ZC3H12B: variants seen among roughly 807,000 people sequenced by gnomAD.
ZC3H12B encodes zinc finger CCCH-type containing 12B, also known as probable ribonuclease ZC3H12B.
ZC3H12B carries 7 observed loss-of-function variants against 43.9 expected under a neutral mutation model. The ratio of observed to expected loss-of-function variants is 0.16; its 90% CI spans 0.09 to 0.30. ZC3H12B has a LOEUF of 0.30. ZC3H12B is among the 10% of genes least tolerant of loss of function. The pLI, the probability that ZC3H12B is intolerant of heterozygous loss-of-function variation, is 1.00. For missense variants in ZC3H12B, 475 were observed against 670.2 expected, an observed-to-expected ratio of 0.71 and a Z score of 3.22; for synonymous variants, 222 against 241.7, an observed-to-expected ratio of 0.92 and a Z score of 0.76.
the ZC3H12B span, among the ~76,000 whole-genome samples, chrX:65,318,077 G>T: frequency 9.2e-6 from 1 of 108,530 alleles, no homozygotes; most frequent in Non-Finnish European, 1.9e-5. Context: ...TTCTACTTTT[G>T]TTTCTTTAAG....
intron 3 of ZC3H12B, among the ~76,000 whole-genome samples, chrX:65,473,470 A>T (rs757639253): frequency 8.9e-6 from 1 of 112,559 alleles, no homozygotes; most frequent in Admixed American, 9.4e-5. Flanking sequence ...GATAGAGATT[A>T]CGTTTACTCT....
chrX:65,482,283 A>G (rs2068073908), intron 3 of ZC3H12B, among the ~76,000 whole-genome samples: 1 of 111,123 alleles, frequency 9.0e-6, no homozygotes, highest in South Asian at 3.9e-4. Flanking sequence ...AGGTAGCACA[A>G]AAAGAAAAAG....
At chrX:65,217,893 A>G in the ZC3H12B span, among the ~76,000 whole-genome samples, 1 of 111,897 alleles carries the variant, frequency 8.9e-6, no homozygotes, top group Admixed American at 9.5e-5. Flanking sequence ...ATTCAAATAA[A>G]TAATAACAGA....
the ZC3H12B span, among the ~76,000 whole-genome samples, chrX:65,094,456 TCA>T: frequency 2.7e-4 from 30 of 111,589 alleles, no homozygotes; most frequent in Non-Finnish European, 3.8e-5. Flanking sequence ...CAAATGGCTC[TCA>T]GAGTGTGGTC....
chrX:65,442,494 G>A (rs2067314918), intron 3 of ZC3H12B, among the ~76,000 whole-genome samples: 1 of 111,029 alleles, frequency 9.0e-6, no homozygotes, highest in Non-Finnish European at 1.9e-5. Flanking sequence ...TGCATGACCA[G>A]TTGTGCATCT....
At chrX:65,245,646 T>C in the ZC3H12B span, among the ~76,000 whole-genome samples, 4 of 111,450 alleles carry the variant, frequency 3.6e-5, no homozygotes, top group African/African-American at 1.3e-4. Flanking sequence ...CAACATCCAT[T>C]CATGTTAAAA....
chrX:65,264,410 AT>A, the ZC3H12B span, among the ~76,000 whole-genome samples: 2 of 112,160 alleles, frequency 1.8e-5, no homozygotes, highest in Non-Finnish European at 3.8e-5. Context: ...CTTACTGTGA[AT>A]TTGTCATTGC....
At chrX:65,465,072 C>T (rs1472977060) in intron 3 of ZC3H12B, among the ~76,000 whole-genome samples, 1 of 111,142 alleles carries the variant, frequency 9.0e-6, no homozygotes, top group East Asian at 2.8e-4. Flanking sequence ...TATGAGCATT[C>T]TGCAGCTGTC....
chrX:65,190,426 A>G, the ZC3H12B span, among the ~76,000 whole-genome samples: 1 of 111,124 alleles, frequency 9.0e-6, no homozygotes, highest in Non-Finnish European at 1.9e-5. Flanking sequence ...CTTCTTACCC[A>G]TGAGCATGGA....
the ZC3H12B span, among the ~76,000 whole-genome samples, chrX:65,346,620 G>A: frequency 2.7e-5 from 3 of 112,002 alleles, no homozygotes; most frequent in Admixed American, 9.4e-5. Flanking sequence ...AAATTGACAG[G>A]TGGGTCCTAA....
At chrX:65,139,984 T>G in the ZC3H12B span, among the ~76,000 whole-genome samples, 2 of 111,423 alleles carry the variant, frequency 1.8e-5, no homozygotes, top group Non-Finnish European at 3.8e-5. Context: ...AAAAGTTTTT[T>G]TTTTGTTGGA....
At chrX:65,169,037 G>A in the ZC3H12B span, among the ~76,000 whole-genome samples, 1 of 111,234 alleles carries the variant, frequency 9.0e-6, no homozygotes, top group African/African-American at 3.3e-5. Flanking sequence ...GTCTCCTTCA[G>A]TTCTGCTCTG....
intron 3 of ZC3H12B, among the ~76,000 whole-genome samples, chrX:65,464,143 G>A (rs1282920817): frequency 8.9e-6 from 1 of 112,278 alleles, no homozygotes; most frequent in African/African-American, 3.2e-5. Context: ...CTCCCAATGG[G>A]AGATGTGTTA....
intron 3 of ZC3H12B, among the ~76,000 whole-genome samples, chrX:65,462,230 G>A (rs1023869326): frequency 1.8e-5 from 2 of 110,891 alleles, no homozygotes; most frequent in African/African-American, 6.6e-5. Flanking sequence ...AAACTTCAAG[G>A]CCGGGCACGG....
chrX:65,287,485 G>T, the ZC3H12B span, among the ~76,000 whole-genome samples: 1 of 110,460 alleles, frequency 9.1e-6, no homozygotes, highest in South Asian at 3.9e-4. Flanking sequence ...GCCAGGTGTG[G>T]TGGCTCACAC....
intron 2 of ZC3H12B, among the ~76,000 whole-genome samples, chrX:65,386,927 T>A (rs1211029339): frequency 8.9e-6 from 1 of 111,796 alleles, no homozygotes; most frequent in Non-Finnish European, 1.9e-5. Context: ...CAGGAGCAGA[T>A]TGTTCAGTTT....
At chrX:65,322,714 G>A in the ZC3H12B span, among the ~76,000 whole-genome samples, 2 of 111,266 alleles carry the variant, frequency 1.8e-5, no homozygotes, top group Non-Finnish European at 3.8e-5. Flanking sequence ...AGATTGCTTT[G>A]GCTATTTAGG....
At chrX:65,355,855 T>G in the ZC3H12B span, among the ~76,000 whole-genome samples, 1 of 111,048 alleles carries the variant, frequency 9.0e-6, no homozygotes, top group African/African-American at 3.3e-5. Flanking sequence ...CTTGGGAGAC[T>G]GAGACAGGAG....
At chrX:65,188,418 T>C in the ZC3H12B span, among the ~76,000 whole-genome samples, 1 of 106,996 alleles carries the variant, frequency 9.3e-6, no homozygotes, top group Non-Finnish European at 1.9e-5. Flanking sequence ...GTTTTACTAA[T>C]TTACATTCTC....
Sources: allele counts gnomAD v4.1 joint callset (sites outside exome capture counted in the v4.1 genomes callset), GRCh38; gene constraint gnomAD v4.1.1; transcripts MANE v1.5; gene names NCBI Gene and HGNC (gene_info 2026-07-23, HGNC 2026-07-21).